The following PDE1C variants were observed in gnomAD, a reference collection of about 807,000 sequenced individuals.
PDE1C encodes the protein phosphodiesterase 1C, also known as dual specificity calcium/calmodulin-dependent 3',5'-cyclic nucleotide phosphodiesterase 1C.
In PDE1C, 62 loss-of-function variants were observed where a neutral mutation model predicts 93.1. The ratio of observed to expected loss-of-function variants is 0.67; its 90% CI spans 0.54 to 0.82. The LOEUF is 0.82. Among genes scored for constraint, PDE1C ranks in the 40% least tolerant of loss-of-function variants. PDE1C has a pLI of 0.00. For synonymous variants in PDE1C, 325 were observed against 310.1 expected (o/e 1.05, Z -0.50); for missense variants, 742 against 884.6 (o/e 0.84, Z 2.04).
intron 3 of PDE1C, among the ~76,000 whole-genome samples, chr7:32,096,644 T>C (rs1797759991): frequency 6.6e-6 from 1 of 152,198 alleles, no homozygotes. Context: ...AAACATGTCT[T>C]AAAATTATTG....
intron 1 of PDE1C, among the ~76,000 whole-genome samples, chr7:32,330,219 T>C (rs1783484438): frequency 6.6e-6 from 1 of 152,252 alleles, no homozygotes. Context: ...TGTCTCCATT[T>C]GCAGTTGAGG....
At chr7:32,374,734 G>T (rs1784406346) in intron 1 of PDE1C, among the ~76,000 whole-genome samples, 1 of 152,228 alleles carries the variant, frequency 6.6e-6, no homozygotes, top group African/African-American at 2.4e-5. Context: ...AGACTTTGGG[G>T]TGCTTTGCTA....
At chr7:31,896,215 T>C (rs1799311934) in intron 2 of PDE1C, among the ~76,000 whole-genome samples, 1 of 151,986 alleles carries the variant, frequency 6.6e-6, no homozygotes, top group Non-Finnish European at 1.5e-5. Context: ...GGCACAACTG[T>C]TGTAGTTTGG....
intron 1 of PDE1C, among the ~76,000 whole-genome samples, chr7:32,321,345 TAGG>T (rs1562672954): frequency 6.6e-6 from 1 of 152,168 alleles, no homozygotes; most frequent in Admixed American, 6.5e-5. Flanking sequence ...ACAATAAATG[TAGG>T]AGGAGAAGAA....
chr7:31,920,205 A>G (rs1802425658), intron 2 of PDE1C, among the ~76,000 whole-genome samples: 2 of 152,176 alleles, frequency 1.3e-5, no homozygotes, highest in South Asian at 4.1e-4. Context: ...TGGTACTAGT[A>G]CTGTCTCCTG....
rs755616968 is a variant in PDE1C, at chr7:32,221,677, T to C, written c.86-12138A>G. 8.6e-4 allele frequency among the ~76,000 whole-genome samples: 131 copies of C among 152,206 alleles called. 1 individual carries two copies. The highest frequency in any genetic ancestry group is 2.6e-4 in the Non-Finnish European group (18 of 68,040). On this transcript the variant is annotated intron_variant, in intron 1 of 18. Transcript: ENST00000396193. ...TAAGAGCTCATTGGAAAGCCATGGA[T>C]GGTTGTGAAAATGCATGCTATGGAA...
intron 16 of PDE1C, among the ~76,000 whole-genome samples, chr7:31,801,307 T>A (rs187441229): frequency 6.6e-6 from 1 of 151,344 alleles, no homozygotes; most frequent in South Asian, 2.1e-4. Context: ...TCTACAGATA[T>A]TAAAAGAATA....
At chr7:31,688,016 G>T in the PDE1C span, among the ~76,000 whole-genome samples, 1 of 152,144 alleles carries the variant, frequency 6.6e-6, no homozygotes, top group African/African-American at 2.4e-5. Flanking sequence ...CTCATTACCA[G>T]CTTCAGAGAA....
intron 6 of PDE1C, among the ~76,000 whole-genome samples, chr7:31,867,959 A>G (rs1795500248): frequency 6.6e-6 from 1 of 152,246 alleles, no homozygotes; most frequent in African/African-American, 2.4e-5. Flanking sequence ...CAAAGGAATC[A>G]TACAAAGACT....
rs561484635 is a variant in PDE1C at position 31,967,551 on chromosome 7, T to C, written c.128+84003A>G. On this transcript the variant is annotated intron_variant, in intron 2 of 17. Coordinates refer to ENST00000396191, the MANE Select transcript of PDE1C (RefSeq NM_001191057.4). Reference sequence around the variant, plus strand: ...GAGGTACAAGGAGGAACTGGTACCATTCCTTCTAAAACTATTCCAATCAAT... The same window carrying C: ...GAGGTACAAGGAGGAACTGGTACCACTCCTTCTAAAACTATTCCAATCAAT... Among the ~76,000 whole-genome samples, 28 of 152,306 alleles carry C rather than the reference T, an allele frequency of 1.8e-4. No individual in the cohort carries two copies. The South Asian group carries it at 2.5e-3, about 14-fold the overall frequency.
chr7:32,338,630 G>T (rs929640397), intron 1 of PDE1C, among the ~76,000 whole-genome samples: 11 of 152,064 alleles, frequency 7.2e-5, no homozygotes, highest in African/African-American at 2.2e-4. Flanking sequence ...ACTACTTCTG[G>T]GTATGTATCC....
At chr7:31,835,151 G>A (rs1013815935) in intron 11 of PDE1C, among the ~76,000 whole-genome samples, 1 of 152,146 alleles carries the variant, frequency 6.6e-6, no homozygotes, top group African/African-American at 2.4e-5. Flanking sequence ...GTGGAGCTGT[G>A]AGTCAATTAA....
chr7:31,962,818 A>T (rs1250097918), intron 2 of PDE1C, among the ~76,000 whole-genome samples: 1 of 152,124 alleles, frequency 6.6e-6, no homozygotes, highest in Non-Finnish European at 1.5e-5. Context: ...TCCAGTCAAG[A>T]CCTACACAAA....
intron 2 of PDE1C, among the ~76,000 whole-genome samples, chr7:32,003,929 A>T (rs2128565538): frequency 6.6e-6 from 1 of 152,366 alleles, no homozygotes; most frequent in East Asian, 1.9e-4. Flanking sequence ...TGTTTTATTA[A>T]GAAGAGTGAG....
chr7:32,199,360 T>G (rs1804845834), intron 2 of PDE1C, among the ~76,000 whole-genome samples: 1 of 152,176 alleles, frequency 6.6e-6, no homozygotes, highest in African/African-American at 2.4e-5. Flanking sequence ...CCACTAGATC[T>G]TTAGTTACTA....
At chr7:31,830,394 A>C (rs190264456) in intron 11 of PDE1C, among the ~76,000 whole-genome samples, 3 of 152,270 alleles carry the variant, frequency 2.0e-5, no homozygotes, top group Admixed American at 2.0e-4. Context: ...TTAAAAACTC[A>C]CTCATTTTTT....
chr7:32,069,451 A>C (rs30596), intron 1 of PDE1C, among the ~76,000 whole-genome samples: 98,918 of 151,868 alleles, frequency 0.65, 32,462 homozygotes, highest in Non-Finnish European at 0.7. Flanking sequence ...ATCTAGTAGT[A>C]ATGGAAGGTG....
intron 10 of PDE1C, 109 bp from the exon 11 acceptor site, chr7:31,837,409 A>C: frequency 2.0e-6 from 2 of 1,003,370 alleles, no homozygotes; most frequent in Non-Finnish European, 2.7e-6. Flanking sequence ...TCCATCTCAA[A>C]CCCCACTTCA....
rs1213525220 is a variant in PDE1C at position 32,282,626 on chromosome 7, G to A, written c.85+16025C>T. Among the ~76,000 whole-genome samples, 10 of 108,460 alleles carry A rather than the reference G, an allele frequency of 9.2e-5. No homozygotes were observed. The East Asian group carries it at 2.8e-3, about 30-fold the overall frequency. The allele number at this position is 108,460 out of a possible 152,430, so 71.2% of individuals were successfully genotyped here. ...AGACGGAGTCTCTCTCTGTCGCCCA[G>A]GCTGGAATGCAATGGCACGATCTCG... is the stretch of plus-strand genomic sequence containing the variant. On this transcript the variant is annotated intron_variant, in intron 1 of 18. Transcript: ENST00000396193.
Sources: gnomAD v4.1 joint callset for allele counts (sites outside exome capture counted in the v4.1 genomes callset) on GRCh38, gnomAD v4.1.1 for gene constraint, MANE v1.5 for transcripts, NCBI Gene and HGNC (gene_info 2026-07-23, HGNC 2026-07-21) for gene names.